The following LY75 variants were observed in gnomAD, a reference collection of about 807,000 sequenced individuals.
LY75 encodes lymphocyte antigen 75.
Under a neutral mutation model 231.7 loss-of-function variants are expected in LY75, and 185 were observed. The observed-to-expected ratio is 0.80, with a 90% CI of 0.71 to 0.90. The LOEUF (loss-of-function observed/expected upper bound fraction) is 0.90. Among genes scored for constraint, LY75 ranks in the 40% least tolerant of loss-of-function variants. The pLI, the probability that LY75 is intolerant of heterozygous loss-of-function variation, is 0.00. For missense variants in LY75, 1,947 were observed against 2,050.2 expected, an observed-to-expected ratio of 0.95 and a Z score of 0.97; for synonymous variants, 668 against 689.0, an observed-to-expected ratio of 0.97 and a Z score of 0.48.
chr2:159,850,296 A>G, intron 22 of LY75, 66 bp downstream of exon 22: 1 of 1,586,066 alleles, frequency 6.3e-7, no homozygotes, highest in Non-Finnish European at 8.6e-7. Flanking sequence ...TTAATTCCCC[A>G]TAGCCTCCTA....
At chr2:159,840,244 C>G (rs1161422022) in intron 25 of LY75, among the ~76,000 whole-genome samples, 2 of 152,040 alleles carry the variant, frequency 1.3e-5, no homozygotes, top group Non-Finnish European at 2.9e-5. Context: ...AGTACTAGAT[C>G]TTTCAATAGT....
chr2:159,830,965 T>C (rs889790579), intron 28 of LY75, among the ~76,000 whole-genome samples: 2 of 152,192 alleles, frequency 1.3e-5, no homozygotes, highest in Non-Finnish European at 2.9e-5. Flanking sequence ...GCAACACTAA[T>C]AGAGTGATTC....
chr2:159,885,906 A>G (rs1044430080), intron 5 of LY75, among the ~76,000 whole-genome samples: 1 of 152,174 alleles, frequency 6.6e-6, no homozygotes, highest in African/African-American at 2.4e-5. Context: ...TTTGGGAAGA[A>G]TGCTTTTTGG....
intron 13 of LY75, among the ~76,000 whole-genome samples, chr2:159,868,540 T>G (rs1684920025): frequency 2.6e-5 from 4 of 152,190 alleles, no homozygotes; most frequent in Admixed American, 2.6e-4. Flanking sequence ...ATTAATTTTT[T>G]AAAGAAGGGA....
intron 1 of LY75, among the ~76,000 whole-genome samples, chr2:159,901,745 A>G (rs1686087624): frequency 6.6e-6 from 1 of 152,232 alleles, no homozygotes; most frequent in Non-Finnish European, 1.5e-5. Flanking sequence ...TGTTTTTCTC[A>G]GACTAATCCC....
At chr2:159,859,718 A>G (rs903539998) in intron 15 of LY75, among the ~76,000 whole-genome samples, 1 of 152,224 alleles carries the variant, frequency 6.6e-6, no homozygotes, top group African/African-American at 2.4e-5. Flanking sequence ...AATTTACTCC[A>G]TGTAAGCTGG....
chr2:159,840,686 G>A (rs775012656), intron 25 of LY75, 43 bp downstream of exon 25: 15 of 1,611,950 alleles, frequency 9.3e-6, no homozygotes, highest in Admixed American at 5.0e-5. Flanking sequence ...AAAAAATGTC[G>A]CTTTCCATCA....
intron 3 of LY75, among the ~76,000 whole-genome samples, chr2:159,891,714 C>A (rs924460256): frequency 1.3e-5 from 2 of 152,152 alleles, no homozygotes; most frequent in African/African-American, 4.8e-5. Context: ...CAGCAAGGTA[C>A]AGTGGGGGTA....
chr2:159,848,081 T>TACAC (rs1185752488), intron 23 of LY75, among the ~76,000 whole-genome samples: 1 of 31,784 alleles, frequency 3.1e-5, no homozygotes, highest in Admixed American at 5.6e-4. Flanking sequence ...TATATATATA[T>TACAC]ATATATATAT....
chr2:159,810,566 C>A lies in LY75; in HGVS notation c.4659G>T (p.Leu1553Phe), dbSNP rs750223648. The A allele has an allele frequency of 1.2e-6, 2 of 1,614,086 alleles. No homozygotes were observed. Among genetic ancestry groups the A allele is most frequent in the South Asian group, 1.1e-5 (1 of 91,064 alleles). ...KGHCYKSDQALHSFSEAKKLC... is the reference protein window; with the variant it reads ...KGHCYKSDQAFHSFSEAKKLC... ...ATTTTTTGGCCTCTGAAAAACTGTG[C>A]AATGCCTGATCAGACTTGTAACAGT... is the stretch of plus-strand genomic sequence containing the variant. Residue 1553 changes from leucine (L) to phenylalanine (F), a missense_variant, in exon 32 of 35, where the codon TTG (leucine) becomes TTT (phenylalanine). Physicochemically the swap from Leu to Phe is conservative, Grantham distance 22 (BLOSUM62 0). Transcript: ENST00000263636.
Position 159,878,683 on chromosome 2 carries a change from A to G in LY75, c.1554T>C (p.Tyr518=), listed in dbSNP as rs758735541. The G allele has an allele frequency of 1.1e-5, 17 of 1,614,012 alleles. No homozygotes were observed. Among genetic ancestry groups the G allele is most frequent in the South Asian group, 2.2e-5 (2 of 91,074 alleles). The change falls in exon 10 of 35, where the codon TAT becomes TAC. Residue 518 remains tyrosine (Y), a synonymous_variant. Transcript: ENST00000263636. The part of the protein sequence containing the change: ...KRHGETCYKI[Y]EDEVPFGTNC... ...TTGTTCCAAAAGGGACCTCATCCTC[A>G]TAAATCTTGTAACAGGTTTCTCCAT...
At chr2:159,852,458 C>T (rs1344816596) in intron 20 of LY75, 118 bp from the exon 21 acceptor site, 7 of 1,420,218 alleles carry the variant, frequency 4.9e-6, no homozygotes, top group Non-Finnish European at 2.8e-6. Flanking sequence ...CGCTCTGTTG[C>T]CCGGGGCTGG....
At chr2:159,832,828 C>T (rs1451351046) in intron 27 of LY75, among the ~76,000 whole-genome samples, 1 of 152,062 alleles carries the variant, frequency 6.6e-6, no homozygotes, top group Non-Finnish European at 1.5e-5. Context: ...TTATACGGAG[C>T]ATGCTTTGGG....
chr2:159,808,056 T>A, intron 33 of LY75: 1 of 975,676 alleles, frequency 1.0e-6, no homozygotes, highest in Non-Finnish European at 1.2e-6. Context: ...GATAACTTTC[T>A]GAATAACGAA....
chr2:159,828,686 T>C (rs1370564774), intron 28 of LY75, among the ~76,000 whole-genome samples: 2 of 152,324 alleles, frequency 1.3e-5, no homozygotes, highest in African/African-American at 2.4e-5. Flanking sequence ...ACGTGAATGT[T>C]CAGAGAAGCA....
chr2:159,874,209 A>ATT (rs1157651687), intron 12 of LY75, among the ~76,000 whole-genome samples: 55 of 31,458 alleles, frequency 1.7e-3, no homozygotes, highest in Non-Finnish European at 3.5e-3. Context: ...AAATATATAT[A>ATT]GTAAATATAT....
rs190506672 is a variant in LY75, at chr2:159,804,134, C to A, written c.*910G>T. On this transcript the variant is annotated 3_prime_UTR_variant, in exon 35 of 35. Transcript: ENST00000263636. Reference sequence around the variant, plus strand: ...ATAAACAATTATAAACAGAAAAAAACTCTTCATATTTACATAATAATGGTA... The same window carrying A: ...ATAAACAATTATAAACAGAAAAAAAATCTTCATATTTACATAATAATGGTA... 43 of 152,280 alleles carry A rather than the reference C, an allele frequency of 2.8e-4. No individual in the cohort carries two copies. Among genetic ancestry groups the A allele is most frequent in the Admixed American group, 2.8e-3 (43 of 15,308 alleles). The allele number at this position is 152,280 out of a possible 1,614,324, so 9.4% of individuals were successfully genotyped here. A position where few individuals can be genotyped will look rare whatever the true frequency, so the allele number is the denominator to read the frequency against.
chr2:159,887,576 AAAAAAAAAG>A (rs953443520), intron 4 of LY75, among the ~76,000 whole-genome samples: 3 of 150,200 alleles, frequency 2.0e-5, no homozygotes, highest in African/African-American at 7.4e-5. Flanking sequence ...CAAAAAAAAA[AAAAAAAAAG>A]AAAAAAGAAA....
At chr2:159,879,196 T>C in intron 9 of LY75, 63 bp downstream of exon 9, 1 of 1,551,696 alleles carries the variant, frequency 6.4e-7, no homozygotes, top group South Asian at 1.2e-5. Flanking sequence ...AAGTCTCAGC[T>C]ACCATTTCTA....
Sources: gnomAD v4.1 joint callset for allele counts (sites outside exome capture counted in the v4.1 genomes callset) on GRCh38, gnomAD v4.1.1 for gene constraint, MANE v1.5 for transcripts, NCBI Gene and HGNC (gene_info 2026-07-23, HGNC 2026-07-21) for gene names.